Variants in RAP1GDS1 observed in about 807,000 individuals in gnomAD.
RAP1GDS1 encodes the protein Rap1 GTPase-GDP dissociation stimulator 1, also known as RAP1, GTP-GDP dissociation stimulator 1.
In RAP1GDS1, 35 loss-of-function variants were observed where a neutral mutation model predicts 71.1. The ratio of observed to expected loss-of-function variants is 0.49; its 90% CI spans 0.38 to 0.65. The LOEUF is 0.65. RAP1GDS1 is among the 30% of genes least tolerant of loss of function. RAP1GDS1 has a pLI of 0.00. For missense variants in RAP1GDS1, 663 were observed against 706.1 expected (o/e 0.94, Z 0.69); for synonymous variants, 229 against 243.1 (o/e 0.94, Z 0.54).
intron 12 of RAP1GDS1, among the ~76,000 whole-genome samples, chr4:98,429,024 C>T (rs896011726): frequency 2.6e-5 from 4 of 151,870 alleles, no homozygotes; most frequent in Admixed American, 6.6e-5. Context: ...TATGGGAGGA[C>T]GAGGCAGGCA....
At chr4:98,386,805 C>T (rs893382274) in intron 5 of RAP1GDS1, among the ~76,000 whole-genome samples, 2 of 151,992 alleles carry the variant, frequency 1.3e-5, no homozygotes, top group African/African-American at 4.8e-5. Context: ...TAATCATCCT[C>T]TTGGTAGCCA....
At chr4:98,355,573 G>T (rs752656985) in intron 4 of RAP1GDS1, among the ~76,000 whole-genome samples, 1 of 152,112 alleles carries the variant, frequency 6.6e-6, no homozygotes, top group Non-Finnish European at 1.5e-5. Context: ...AAAAATTTGA[G>T]AAATTCATAC....
intron 1 of RAP1GDS1, among the ~76,000 whole-genome samples, chr4:98,266,688 T>A (rs930747646): frequency 9.9e-5 from 15 of 152,192 alleles, no homozygotes; most frequent in African/African-American, 3.6e-4. Flanking sequence ...TGGCATTATA[T>A]CTGTTTTGTA....
chr4:98,283,131 A>G (rs1373903439), intron 1 of RAP1GDS1, among the ~76,000 whole-genome samples: 1 of 152,238 alleles, frequency 6.6e-6, no homozygotes, highest in African/African-American at 2.4e-5. Context: ...AAAATTGAAG[A>G]TTCTTCAAGT....
chr4:98,405,152 A>G (rs1036463331), intron 7 of RAP1GDS1, among the ~76,000 whole-genome samples: 20 of 152,334 alleles, frequency 1.3e-4, no homozygotes, highest in African/African-American at 4.6e-4. Context: ...ATCTTCAGAT[A>G]CTGGAATTAT....
chr4:98,273,169 C>A (rs573682926), intron 1 of RAP1GDS1, among the ~76,000 whole-genome samples: 3 of 152,304 alleles, frequency 2.0e-5, no homozygotes, highest in African/African-American at 4.8e-5. Flanking sequence ...ATTAGCAGTT[C>A]CTGGGCCAAG....
chr4:98,392,304 A>G (rs928347428), intron 6 of RAP1GDS1: 24 of 386,360 alleles, frequency 6.2e-5, no homozygotes, highest in Non-Finnish European at 1.0e-4. Flanking sequence ...AATTTTACAT[A>G]TTAATGTTTA....
chr4:98,367,208 C>A (rs1451210041), intron 4 of RAP1GDS1, among the ~76,000 whole-genome samples: 2 of 152,214 alleles, frequency 1.3e-5, no homozygotes, highest in Admixed American at 1.3e-4. Flanking sequence ...AGGTACAGCT[C>A]AGGCTGTGGC....
chr4:98,317,585 T>G (rs1366951248), intron 2 of RAP1GDS1, among the ~76,000 whole-genome samples: 2 of 152,096 alleles, frequency 1.3e-5, no homozygotes, highest in African/African-American at 4.8e-5. Flanking sequence ...GAGACTGAAC[T>G]GATAGATAAT....
At chr4:98,439,750 GCTT>G (rs1307192481) in intron 14 of RAP1GDS1, among the ~76,000 whole-genome samples, 1 of 151,986 alleles carries the variant, frequency 6.6e-6, no homozygotes, top group African/African-American at 2.4e-5. Context: ...ATTTCCATTT[GCTT>G]CTTCTTTATA....
rs541600686 is a variant in RAP1GDS1, at chr4:98,412,139, A to G, written c.764-4606A>G. ...TCCTAAATGATAAGCTGAAGCTGCC[A>G]TTGCCATATATGGATGCATATACAG... On this transcript the variant is annotated intron_variant, in intron 7 of 14. Transcript: ENST00000408927. Among the ~76,000 whole-genome samples the G allele has an allele frequency of 5.9e-5, 9 of 152,322 alleles. No individual in the cohort carries two copies. In the South Asian group the frequency reaches 6.2e-4, roughly 11 times the overall value.
At chr4:98,312,252 TCCTTACCAAATAGC>T in intron 2 of RAP1GDS1, among the ~76,000 whole-genome samples, 1 of 152,340 alleles carries the variant, frequency 6.6e-6, no homozygotes, top group South Asian at 2.1e-4. Context: ...TTCTGTTTCA[TCCTTACCAAATAGC>T]CCTTATGAAG....
chr4:98,302,169 A>C (rs1007936630), intron 2 of RAP1GDS1, among the ~76,000 whole-genome samples: 1 of 152,214 alleles, frequency 6.6e-6, no homozygotes, highest in Admixed American at 6.5e-5. Flanking sequence ...TCTGTGTTGC[A>C]GTTATCATTA....
intron 2 of RAP1GDS1, among the ~76,000 whole-genome samples, chr4:98,298,294 G>T (rs748032035): frequency 2.6e-5 from 4 of 152,090 alleles, no homozygotes; most frequent in Non-Finnish European, 5.9e-5. Context: ...GAAGGAGGAG[G>T]CTGTGCTAAA....
chr4:98,341,336 G>C (rs996671108), intron 2 of RAP1GDS1, among the ~76,000 whole-genome samples: 3 of 152,146 alleles, frequency 2.0e-5, no homozygotes, highest in Admixed American at 6.5e-5. Context: ...TATTCTCCCA[G>C]TTCACTGGAT....
intron 2 of RAP1GDS1, among the ~76,000 whole-genome samples, chr4:98,342,010 G>A (rs1735568232): frequency 6.6e-6 from 1 of 151,904 alleles, no homozygotes; most frequent in African/African-American, 2.4e-5. Flanking sequence ...CTTTTTTGTT[G>A]TAGATGTTGT....
intron 4 of RAP1GDS1, among the ~76,000 whole-genome samples, chr4:98,356,161 C>A (rs868082852): frequency 5.9e-5 from 9 of 151,988 alleles, no homozygotes; most frequent in African/African-American, 2.2e-4. Flanking sequence ...AAGAAATAAT[C>A]AAAATATGTG....
chr4:98,321,347 G>T (rs1731854384), intron 2 of RAP1GDS1, among the ~76,000 whole-genome samples: 1 of 147,726 alleles, frequency 6.8e-6, no homozygotes, highest in Non-Finnish European at 1.5e-5. Flanking sequence ...AAAACACTCT[G>T]CAGGATATTA....
chr4:98,374,906 A>G (rs923152065), intron 4 of RAP1GDS1, among the ~76,000 whole-genome samples: 1 of 152,090 alleles, frequency 6.6e-6, no homozygotes, highest in African/African-American at 2.4e-5. Context: ...CATTCCTATT[A>G]CAGTTAGCCT....
Sources: gnomAD v4.1 joint callset for allele counts (sites outside exome capture counted in the v4.1 genomes callset) on GRCh38, gnomAD v4.1.1 for gene constraint, MANE v1.5 for transcripts, NCBI Gene and HGNC (gene_info 2026-07-23, HGNC 2026-07-21) for gene names.